The following ANKRD10 variants were observed in gnomAD, a reference collection of about 807,000 sequenced individuals.
The protein encoded by ANKRD10 is ankyrin repeat domain 10, also known as ankyrin repeat domain-containing protein 10.
ANKRD10 carries 14 observed loss-of-function variants against 27.0 expected under a neutral mutation model. The observed-to-expected ratio is 0.52, with a 90% CI of 0.34 to 0.81. ANKRD10 has a LOEUF of 0.81. Among genes scored for constraint, ANKRD10 ranks in the 40% least tolerant of loss-of-function variants. ANKRD10 has a pLI of 0.01. For synonymous variants in ANKRD10, 250 were observed against 224.5 expected, an observed-to-expected ratio of 1.11 and a Z score of -1.01; for missense variants, 493 against 544.0, an observed-to-expected ratio of 0.91 and a Z score of 0.93.
At chr13:110,906,742 G>A (rs1235339155) in intron 2 of ANKRD10, among the ~76,000 whole-genome samples, 1 of 152,102 alleles carries the variant, frequency 6.6e-6, no homozygotes. Flanking sequence ...GTATTTATTA[G>A]AGGAAAGGGA....
intron 3 of ANKRD10, chr13:110,900,832 A>G (rs571065826): frequency 1.2e-4 from 58 of 479,264 alleles, no homozygotes; most frequent in Non-Finnish European, 1.9e-4. Context: ...TTAAAAATAC[A>G]TAGACAACAT....
chr13:110,914,253 T>C (rs1425612538), intron 1 of ANKRD10, among the ~76,000 whole-genome samples: 1 of 152,002 alleles, frequency 6.6e-6, no homozygotes, highest in East Asian at 1.9e-4. Context: ...CGCCCGGGCA[T>C]TCCCCGCGCG....
chr13:110,901,526 G>C (rs2065380023), intron 3 of ANKRD10, among the ~76,000 whole-genome samples: 1 of 152,206 alleles, frequency 6.6e-6, no homozygotes, highest in Admixed American at 6.5e-5. Flanking sequence ...ACCTATAAAA[G>C]TAGTAAGGAA....
intron 5 of ANKRD10, 158 bp downstream of exon 5, chr13:110,883,540 A>G: frequency 7.4e-7 from 1 of 1,354,680 alleles, no homozygotes; most frequent in Non-Finnish European, 9.5e-7. Flanking sequence ...TATGTTAGAA[A>G]TAATATGCAT....
intron 1 of ANKRD10, among the ~76,000 whole-genome samples, chr13:110,913,712 TCA>T (rs1198819379): frequency 2.0e-5 from 3 of 152,176 alleles, no homozygotes; most frequent in African/African-American, 7.2e-5. Context: ...ACATTACCTC[TCA>T]CATATTTCTG....
At chr13:110,912,085 G>C (rs545939844) in intron 1 of ANKRD10, among the ~76,000 whole-genome samples, 1 of 152,180 alleles carries the variant, frequency 6.6e-6, no homozygotes, top group Non-Finnish European at 1.5e-5. Flanking sequence ...AAATAATTTA[G>C]CGCATTCAAC....
chr13:110,904,619 T>TA (rs966859593), intron 3 of ANKRD10, among the ~76,000 whole-genome samples: 1 of 152,154 alleles, frequency 6.6e-6, no homozygotes, highest in African/African-American at 2.4e-5. Flanking sequence ...TTATAAAAAT[T>TA]AGAGTTTTAA....
At chr13:110,909,212 A>G (rs2065623301) in intron 2 of ANKRD10, among the ~76,000 whole-genome samples, 1 of 151,946 alleles carries the variant, frequency 6.6e-6, no homozygotes, top group South Asian at 2.1e-4. Flanking sequence ...ATTAACCTAC[A>G]AAAATGATAT....
intron 2 of ANKRD10, among the ~76,000 whole-genome samples, chr13:110,907,722 T>A (rs905121905): frequency 6.6e-6 from 1 of 152,088 alleles, no homozygotes; most frequent in East Asian, 1.9e-4. Context: ...TCGGATTTTT[T>A]AAAAAGCGAA....
Position 110,879,121 on chromosome 13 carries a change from T to C in ANKRD10, c.*516A>G, listed in dbSNP as rs577378211. ...CCACATGGTGATCTGCAAAGCTTCA[T>C]TGAAAAAGACAAACGTTCTCTTCTT... On this transcript the variant is annotated 3_prime_UTR_variant, in exon 6 of 6. Coordinates refer to ENST00000267339, the MANE Select transcript of ANKRD10 (RefSeq NM_017664.4). 82 of 161,342 alleles carry C rather than the reference T, an allele frequency of 5.1e-4. No individual in the cohort carries two copies. Among genetic ancestry groups the C allele is most frequent in the African/African-American group, 1.9e-3 (79 of 41,680 alleles). The allele number at this position is 161,342 out of a possible 1,614,324, so 10.0% of individuals were successfully genotyped here. A position where few individuals can be genotyped will look rare whatever the true frequency, so the allele number is the denominator to read the frequency against.
intron 3 of ANKRD10, among the ~76,000 whole-genome samples, chr13:110,902,022 G>A (rs956862045): frequency 2.3e-5 from 3 of 127,730 alleles, no homozygotes; most frequent in Non-Finnish European, 3.2e-5. Context: ...TAGCCTGGAC[G>A]ACAAAGGGAG....
At position 110,879,662 on chromosome 13, in the gene ANKRD10, G is replaced by T; in HGVS notation, c.1238C>A (p.Thr413Asn). The T allele has an allele frequency of 6.2e-7, 1 of 1,613,264 alleles. No individual in the cohort carries two copies. Among genetic ancestry groups the T allele is most frequent in the Non-Finnish European group, 8.5e-7 (1 of 1,179,714 alleles). Residue 413 changes from threonine (T) to asparagine (N), a missense_variant, in exon 6 of 6, where the codon ACC (threonine) becomes AAC (asparagine). Thr to Asn is a moderately conservative substitution (Grantham distance 65). Transcript: ENST00000267339. ...QERYDSAVLGTMHLHHGS is the reference protein window; with the variant it reads ...QERYDSAVLGNMHLHHGS ...CTAGGAGCCGTGGTGCAGGTGCATG[G>T]TGCCCAGCACGGCACTGTCGTACCG...
At chr13:110,913,000 G>A (rs2065764456) in intron 1 of ANKRD10, among the ~76,000 whole-genome samples, 1 of 152,216 alleles carries the variant, frequency 6.6e-6, no homozygotes, top group Non-Finnish European at 1.5e-5. Context: ...ACTACTCAAA[G>A]TCCCATGGAA....
intron 5 of ANKRD10, among the ~76,000 whole-genome samples, chr13:110,882,381 G>A (rs925091939): frequency 2.6e-5 from 4 of 152,160 alleles, no homozygotes; most frequent in Non-Finnish European, 4.4e-5. Context: ...GGAAAGCCTC[G>A]AGTAATCTCT....
chr13:110,909,024 G>A (rs545785692), intron 2 of ANKRD10, among the ~76,000 whole-genome samples: 26 of 148,804 alleles, frequency 1.7e-4, no homozygotes, highest in African/African-American at 6.8e-4. Context: ...CATCTGAGAG[G>A]AAGGTGGGAG....
At chr13:110,897,719 T>C (rs1294438439) in intron 3 of ANKRD10, among the ~76,000 whole-genome samples, 1 of 152,208 alleles carries the variant, frequency 6.6e-6, no homozygotes, top group African/African-American at 2.4e-5. Flanking sequence ...TACCCAGTAG[T>C]GGGACTGCTG....
intron 5 of ANKRD10, among the ~76,000 whole-genome samples, chr13:110,881,176 A>G (rs777899104): frequency 6.6e-5 from 10 of 152,248 alleles, no homozygotes; most frequent in Non-Finnish European, 1.2e-4. Context: ...CTAACTCGGT[A>G]ATACTAGATT....
chr13:110,910,792 T>A (rs2065675311), intron 1 of ANKRD10, 22 bp from the exon 2 acceptor site: 7 of 1,609,052 alleles, frequency 4.4e-6, no homozygotes, highest in Non-Finnish European at 5.1e-6. Context: ...AGAGGGGTAA[T>A]GAAAACACGC....
chr13:110,914,572 A>G, intron 1 of ANKRD10, 153 bp downstream of exon 1: 2 of 1,089,444 alleles, frequency 1.8e-6, no homozygotes, highest in Non-Finnish European at 2.4e-6. Context: ...GCTGCCGCAC[A>G]GGCGCCCTAG....
Sources: allele counts gnomAD v4.1 joint callset (sites outside exome capture counted in the v4.1 genomes callset), GRCh38; gene constraint gnomAD v4.1.1; transcripts MANE v1.5; gene names NCBI Gene and HGNC (gene_info 2026-07-23, HGNC 2026-07-21).